Variants in FBXL17 observed in about 807,000 individuals in gnomAD.
FBXL17 encodes the protein F-box/LRR-repeat protein 17.
A neutral mutation model predicts 66.2 loss-of-function variants in FBXL17; 22 were observed. The observed-to-expected ratio is 0.33, with a 90% CI of 0.24 to 0.47. The LOEUF (loss-of-function observed/expected upper bound fraction) is 0.47. Among genes scored for constraint, FBXL17 ranks in the 20% least tolerant of loss-of-function variants. FBXL17 has a pLI of 1.00. For missense variants in FBXL17, 878 were observed against 948.2 expected (o/e 0.93, Z 0.97); for synonymous variants, 474 against 400.5 (o/e 1.18, Z -2.19).
intron 7 of FBXL17, among the ~76,000 whole-genome samples, chr5:108,007,126 A>C (rs554726965): frequency 6.6e-6 from 1 of 152,328 alleles, no homozygotes; most frequent in South Asian, 2.1e-4. Context: ...TAAATGGAAG[A>C]ATATAGGTCA....
chr5:107,872,034 A>G (rs1035610865), intron 8 of FBXL17, among the ~76,000 whole-genome samples: 8 of 152,184 alleles, frequency 5.3e-5, no homozygotes, highest in Admixed American at 3.9e-4. Context: ...TCTTTCTAAA[A>G]TTGCCATTTC....
intron 6 of FBXL17, among the ~76,000 whole-genome samples, chr5:108,132,932 A>G (rs968372577): frequency 6.6e-6 from 1 of 152,182 alleles, no homozygotes; most frequent in Admixed American, 6.5e-5. Flanking sequence ...CATGGAACCA[A>G]AAGAAAGGAA....
intron 5 of FBXL17, 115 bp from the exon 6 acceptor site, chr5:108,186,362 T>A (rs560789909): frequency 6.7e-5 from 51 of 756,862 alleles, no homozygotes; most frequent in Non-Finnish European, 9.5e-5. Flanking sequence ...TTAAAACAGA[T>A]AGGCTAGAAT....
chr5:108,007,095 T>C (rs1466705059), intron 7 of FBXL17, among the ~76,000 whole-genome samples: 1 of 152,234 alleles, frequency 6.6e-6, no homozygotes, highest in African/African-American at 2.4e-5. Context: ...GACAAAGTTT[T>C]AATTTAAAAT....
At chr5:107,923,087 A>G (rs1341126930) in intron 7 of FBXL17, among the ~76,000 whole-genome samples, 1 of 152,202 alleles carries the variant, frequency 6.6e-6, no homozygotes, top group Non-Finnish European at 1.5e-5. Context: ...AATAAATAAT[A>G]GAGTCAAAAG....
chr5:107,974,562 A>C (rs1004141011), intron 7 of FBXL17, among the ~76,000 whole-genome samples: 9 of 152,166 alleles, frequency 5.9e-5, no homozygotes, highest in African/African-American at 2.2e-4. Context: ...TCTAAATAAC[A>C]CACCTAGAGA....
intron 6 of FBXL17, among the ~76,000 whole-genome samples, chr5:108,033,268 G>C (rs980700864): frequency 5.3e-5 from 8 of 152,114 alleles, no homozygotes; most frequent in African/African-American, 1.9e-4. Context: ...ATTTCAAAGT[G>C]CAGACATTGA....
intron 4 of FBXL17, among the ~76,000 whole-genome samples, chr5:108,330,339 T>C (rs1346682503): frequency 1.3e-5 from 2 of 152,160 alleles, no homozygotes; most frequent in Admixed American, 1.3e-4. Context: ...GCCAATCAGC[T>C]ATACCATTTT....
chr5:107,865,001 G>C (rs1454145490), intron 8 of FBXL17, among the ~76,000 whole-genome samples: 2 of 152,166 alleles, frequency 1.3e-5, no homozygotes, highest in Non-Finnish European at 2.9e-5. Context: ...AAGAGATGAA[G>C]TCATTTCGTC....
chr5:108,175,037 C>A (rs1752748227), intron 6 of FBXL17, among the ~76,000 whole-genome samples: 1 of 152,142 alleles, frequency 6.6e-6, no homozygotes. Flanking sequence ...CAACTTTATT[C>A]AGAAATAAAT....
intron 7 of FBXL17, among the ~76,000 whole-genome samples, chr5:108,019,804 C>T (rs772849538): frequency 2.0e-5 from 3 of 151,420 alleles, no homozygotes; most frequent in Non-Finnish European, 3.0e-5. Flanking sequence ...AAACAAACAA[C>T]GTAAGTAAAG....
intron 7 of FBXL17, among the ~76,000 whole-genome samples, chr5:108,015,870 G>T (rs1306582206): frequency 2.6e-5 from 4 of 152,112 alleles, no homozygotes; most frequent in African/African-American, 9.7e-5. Context: ...CCAAAACGAT[G>T]AATAATGTCA....
At chr5:108,145,976 T>G (rs1461737820) in intron 6 of FBXL17, among the ~76,000 whole-genome samples, 1 of 151,986 alleles carries the variant, frequency 6.6e-6, no homozygotes, top group African/African-American at 2.4e-5. Flanking sequence ...CCCAGCACTT[T>G]GGGAGGCCGA....
At position 108,305,083 on chromosome 5, in the gene FBXL17, CA is replaced by C. The variant is rs1186491705; in HGVS notation, c.1506+43315del. 3.9e-5 allele frequency among the ~76,000 whole-genome samples: 6 copies of C among 152,076 alleles called. No homozygotes were observed. In the East Asian group the frequency reaches 1.2e-3, roughly 29 times the overall value. ...ACCTCATAAAGCTGTCATAAATCAA[CA>C]AGTCTGACCCTAATAGAAAAGAGAG... On this transcript the variant is annotated intron_variant, in intron 4 of 8. Transcript: ENST00000542267.
At chr5:108,247,717 T>A (rs1021243001) in intron 4 of FBXL17, among the ~76,000 whole-genome samples, 1 of 152,202 alleles carries the variant, frequency 6.6e-6, no homozygotes, top group Non-Finnish European at 1.5e-5. Flanking sequence ...GCATTTAAAT[T>A]CTGCTGCCTT....
intron 6 of FBXL17, among the ~76,000 whole-genome samples, chr5:108,049,485 C>G (rs1747389253): frequency 6.6e-6 from 1 of 152,110 alleles, no homozygotes; most frequent in Admixed American, 6.5e-5. Flanking sequence ...TCCAGCCAAA[C>G]TAACCTTCAT....
At chr5:108,060,931 GA>G (rs1747895439) in intron 6 of FBXL17, among the ~76,000 whole-genome samples, 1 of 152,072 alleles carries the variant, frequency 6.6e-6, no homozygotes, top group South Asian at 2.1e-4. Context: ...AATGCAGGGG[GA>G]GAACCACAGG....
intron 7 of FBXL17, among the ~76,000 whole-genome samples, chr5:107,961,599 A>C (rs376985633): frequency 7.9e-5 from 12 of 152,298 alleles, no homozygotes; most frequent in African/African-American, 2.6e-4. Context: ...GCAAGGGGCA[A>C]GGACAGAAGA....
chr5:108,283,520 C>T (rs996059571), intron 4 of FBXL17, among the ~76,000 whole-genome samples: 1 of 151,796 alleles, frequency 6.6e-6, no homozygotes, highest in South Asian at 2.1e-4. Context: ...TCACCATATA[C>T]AAAAATACAC....
Sources: allele counts gnomAD v4.1 joint callset (sites outside exome capture counted in the v4.1 genomes callset), GRCh38; gene constraint gnomAD v4.1.1; transcripts MANE v1.5; gene names NCBI Gene and HGNC (gene_info 2026-07-23, HGNC 2026-07-21).